The following CNTN6 variants were observed in gnomAD, a reference collection of about 807,000 sequenced individuals.
CNTN6 encodes the protein contactin-6.
CNTN6 carries 137 observed loss-of-function variants against 122.8 expected under a neutral mutation model. That is an observed-to-expected ratio of 1.12 (90% CI 0.97 to 1.29). CNTN6 has a LOEUF of 1.29. Ranked by LOEUF, CNTN6 falls within the 50% of genes most tolerant of loss-of-function variation. CNTN6 has a pLI of 0.00. For synonymous variants in CNTN6, 570 were observed against 426.0 expected, an observed-to-expected ratio of 1.34 and a Z score of -4.16; for missense variants, 1,634 against 1,223.4, an observed-to-expected ratio of 1.34 and a Z score of -5.01.
Position 1,313,023 on chromosome 3 carries a change from T to C in CNTN6, c.762-8627T>C, listed in dbSNP as rs577295101. ...ATGATAAAATGATAAACTGTTAATA[T>C]GCCATTTCAGTCTCTTTACTTCTTT... On this transcript the variant is annotated intron_variant, in intron 7 of 22. Coordinates refer to ENST00000446702, the MANE Select transcript of CNTN6 (RefSeq NM_001289080.2). Among the ~76,000 whole-genome samples, 169 of 124,826 alleles carry C rather than the reference T, an allele frequency of 1.4e-3. 1 individual carries two copies. The highest frequency in any genetic ancestry group is 9.1e-3 in the African/African-American group (159 of 17,448). The allele number at this position is 124,826 out of a possible 152,430, so 81.9% of individuals were successfully genotyped here.
chr3:1,183,342 A>C (rs2093584686), intron 2 of CNTN6, among the ~76,000 whole-genome samples: 1 of 152,166 alleles, frequency 6.6e-6, no homozygotes. Context: ...ATTATTAATC[A>C]ATTAGTATTT....
At chr3:1,296,217 T>C (rs1460528661) in intron 6 of CNTN6, among the ~76,000 whole-genome samples, 3 of 152,190 alleles carry the variant, frequency 2.0e-5, no homozygotes, top group African/African-American at 7.2e-5. Context: ...TTTGCCCTTT[T>C]TTTGTTGTTC....
chr3:1,381,019 G>C (rs950475834), intron 17 of CNTN6, among the ~76,000 whole-genome samples: 4 of 152,090 alleles, frequency 2.6e-5, no homozygotes, highest in Admixed American at 6.5e-5. Flanking sequence ...AGAATAAAGG[G>C]AAGTATCTAA....
intron 2 of CNTN6, among the ~76,000 whole-genome samples, chr3:1,155,785 C>T (rs1188488979): frequency 6.9e-6 from 1 of 145,860 alleles, no homozygotes; most frequent in Non-Finnish European, 1.5e-5. Context: ...GTTGATCCAC[C>T]ATTGCCTCTC....
At chr3:1,388,784 G>A (rs1473503375) in intron 20 of CNTN6, among the ~76,000 whole-genome samples, 36 of 149,824 alleles carry the variant, frequency 2.4e-4, no homozygotes, top group South Asian at 1.5e-3. Context: ...CTCAGGAGCC[G>A]ATGTGATCAA....
Position 1,244,739 on chromosome 3 carries a change from G to A in CNTN6, c.358+16746G>A, listed in dbSNP as rs536229559. On this transcript the variant is annotated intron_variant, in intron 4 of 22. Coordinates refer to ENST00000446702, the MANE Select transcript of CNTN6 (RefSeq NM_001289080.2). ...AAAAGAGAGTCAGCGAAGGGAGATA[G>A]GGGTGGGGCTGTTTTATAGGATTTG... Among the ~76,000 whole-genome samples the A allele has an allele frequency of 3.0e-3, 449 of 152,084 alleles. 3 individuals carry two copies. Among genetic ancestry groups the A allele is most frequent in the African/African-American group, 0.01 (424 of 41,420 alleles).
chr3:1,237,564 A>G lies in CNTN6; in HGVS notation c.358+9571A>G, dbSNP rs185143881. Among the ~76,000 whole-genome samples the G allele has an allele frequency of 3.0e-3, 462 of 152,302 alleles. 5 individuals are homozygous for G. The highest frequency in any genetic ancestry group is 0.01 in the African/African-American group (433 of 41,566). On this transcript the variant is annotated intron_variant, in intron 4 of 22. Transcript: ENST00000446702. ...AGCTCAAAGAACATATGGGAAATTC[A>G]TCACAAAAAGATAATCACCTAGGCA...
intron 11 of CNTN6, among the ~76,000 whole-genome samples, chr3:1,349,980 A>T (rs1199937780): frequency 1.3e-5 from 2 of 151,866 alleles, no homozygotes; most frequent in African/African-American, 4.8e-5. Context: ...TTAATAAATC[A>T]TAAATCAATT....
intron 20 of CNTN6, among the ~76,000 whole-genome samples, chr3:1,388,032 A>C (rs563025673): frequency 3.3e-5 from 5 of 152,074 alleles, no homozygotes; most frequent in Admixed American, 1.3e-4. Context: ...CAAAGCAGCC[A>C]GGAAGCTCCA....
At chr3:1,380,912 T>A (rs1691770146) in intron 17 of CNTN6, among the ~76,000 whole-genome samples, 1 of 152,206 alleles carries the variant, frequency 6.6e-6, no homozygotes, top group East Asian at 1.9e-4. Flanking sequence ...AATTTCTTTA[T>A]TTTACTGAAC....
chr3:1,167,440 G>A (rs544184618), intron 2 of CNTN6, among the ~76,000 whole-genome samples: 8 of 152,212 alleles, frequency 5.3e-5, no homozygotes, highest in African/African-American at 1.7e-4. Context: ...CTCTGTCTCC[G>A]AAGTACCTAA....
chr3:1,318,317 AT>A (rs11328430), intron 7 of CNTN6, among the ~76,000 whole-genome samples: 80,324 of 148,774 alleles, frequency 0.54, 22,769 homozygotes, highest in East Asian at 0.76. Context: ...TCTACTACTA[AT>A]TTTTTTTTTT....
intron 4 of CNTN6, among the ~76,000 whole-genome samples, chr3:1,268,470 G>A (rs377205870): frequency 9.9e-5 from 15 of 151,806 alleles, no homozygotes; most frequent in South Asian, 4.2e-4. Context: ...AGCCAGGCGC[G>A]GTGGCAGGTG....
intron 4 of CNTN6, among the ~76,000 whole-genome samples, chr3:1,244,411 CGCTG>C (rs2094530400): frequency 1.6e-5 from 2 of 128,300 alleles, no homozygotes; most frequent in East Asian, 2.5e-4. Flanking sequence ...CGGGACTTGC[CGCTG>C]AGGGTGAAGG....
In CNTN6 at chr3:1,326,622, T is replaced by C. The variant is rs182160460; in HGVS notation, c.1083+671T>C. On this transcript the variant is annotated intron_variant, in intron 9 of 22. Transcript: ENST00000446702. ...TCTACAATACCTAGAAAATGAAAGA[T>C]TTGTTTTTTACCTATTAAATTATCC... Among the ~76,000 whole-genome samples, 19 of 151,966 alleles carry C rather than the reference T, an allele frequency of 1.3e-4. No homozygotes were observed. In the East Asian group the frequency reaches 2.7e-3, roughly 22 times the overall value.
intron 2 of CNTN6, among the ~76,000 whole-genome samples, chr3:1,167,335 C>T (rs762597711): frequency 2.0e-4 from 30 of 151,874 alleles, no homozygotes; most frequent in Non-Finnish European, 3.2e-4. Context: ...GAGATCTTTA[C>T]GGGAGGTCTT....
intron 8 of CNTN6, among the ~76,000 whole-genome samples, chr3:1,323,647 G>A (rs7628859): frequency 0.019 from 2,823 of 151,646 alleles, 104 homozygotes; most frequent in African/African-American, 0.064. Context: ...CATCTATATC[G>A]TAATTTTATA....
rs114589192 is a variant in CNTN6, at chr3:1,146,428, G to A, written c.-82-1499G>A. ...CTTCATACCTATTGTAATCCCTACA[G>A]CTCTGCTGTTTTCATCCCATGTACA... On this transcript the variant is annotated intron_variant, in intron 1 of 22. Transcript: ENST00000446702. Among the ~76,000 whole-genome samples, 71 of 152,128 alleles carry A rather than the reference G, an allele frequency of 4.7e-4. 1 individual carries two copies. Among genetic ancestry groups the A allele is most frequent in the African/African-American group, 1.7e-3 (69 of 41,526 alleles).
At chr3:1,392,017 G>C (rs9861491) in intron 20 of CNTN6, among the ~76,000 whole-genome samples, 4 of 152,108 alleles carry the variant, frequency 2.6e-5, no homozygotes, top group Admixed American at 2.0e-4. Flanking sequence ...TCCCCACCAA[G>C]CCACCAATGA....
Sources: gnomAD v4.1 joint callset for allele counts (sites outside exome capture counted in the v4.1 genomes callset) on GRCh38, gnomAD v4.1.1 for gene constraint, MANE v1.5 for transcripts, NCBI Gene and HGNC (gene_info 2026-07-23, HGNC 2026-07-21) for gene names.